Variants in CCDC186 observed in about 807,000 individuals in gnomAD.
The protein encoded by CCDC186 is coiled-coil domain-containing protein 186.
A neutral mutation model predicts 113.7 loss-of-function variants in CCDC186; 49 were observed. The observed-to-expected ratio is 0.43, with a 90% CI of 0.34 to 0.55. The LOEUF (loss-of-function observed/expected upper bound fraction) is 0.55, where lower values mean the gene tolerates loss of function less well. CCDC186 is among the 20% of genes least tolerant of loss of function. The pLI is 0.02. For missense variants in CCDC186, 890 were observed against 1,011.1 expected (o/e 0.88, Z 1.62); for synonymous variants, 355 against 345.8 (o/e 1.03, Z -0.30).
rs1589631169 is a variant in CCDC186, at chr10:114,162,492, T to C, written c.632+145A>G. The C allele has an allele frequency of 1.8e-4, 104 of 592,766 alleles. 1 individual carries two copies. The East Asian group carries it at 3.1e-3, about 18-fold the overall frequency. The allele number at this position is 592,766 out of a possible 1,614,324, so 36.7% of individuals were successfully genotyped here. A position where few individuals can be genotyped will look rare whatever the true frequency, so the allele number is the denominator to read the frequency against. The stretch of plus-strand genomic sequence containing the variant: ...GACATTTGCTCACACATTCAGCAAC[T>C]ATACATTTATTGTTCAACTACTATG... On this transcript the variant is annotated intron_variant, in intron 2 of 15. Coordinates refer to ENST00000369287, the MANE Select transcript of CCDC186 (RefSeq NM_018017.4).
At chr10:114,125,266 A>G (rs775367608) in intron 15 of CCDC186, 40 bp from the exon 16 acceptor site, 7 of 1,415,650 alleles carry the variant, frequency 4.9e-6, no homozygotes, top group African/African-American at 1.4e-5. Flanking sequence ...AGAGAAAAAC[A>G]AAAGTATAAT....
At chr10:114,127,879 A>G (rs1004597374) in intron 13 of CCDC186, among the ~76,000 whole-genome samples, 1 of 152,198 alleles carries the variant, frequency 6.6e-6, no homozygotes, top group South Asian at 2.1e-4. Flanking sequence ...TCTCTCAGGA[A>G]GTGGTAATAG....
intron 10 of CCDC186, among the ~76,000 whole-genome samples, chr10:114,134,339 A>G (rs1282867724): frequency 1.3e-5 from 2 of 152,216 alleles, no homozygotes; most frequent in Non-Finnish European, 2.9e-5. Flanking sequence ...AGGTGCATTA[A>G]TATTTCCAGT....
intron 10 of CCDC186, among the ~76,000 whole-genome samples, chr10:114,134,525 T>C (rs1051982071): frequency 6.6e-6 from 1 of 152,210 alleles, no homozygotes; most frequent in Admixed American, 6.5e-5. Context: ...TAAATGGTTT[T>C]ATAAGGAGCC....
At chr10:114,153,351 G>T (rs555650920) in intron 3 of CCDC186, among the ~76,000 whole-genome samples, 2 of 152,208 alleles carry the variant, frequency 1.3e-5, no homozygotes, top group East Asian at 1.9e-4. Flanking sequence ...TACTGCTAAA[G>T]AAACACAGAA....
intron 13 of CCDC186, among the ~76,000 whole-genome samples, chr10:114,128,095 G>C (rs1038102461): frequency 3.3e-5 from 5 of 152,166 alleles, no homozygotes; most frequent in Non-Finnish European, 7.3e-5. Context: ...CTAACTGTGT[G>C]ACTTTGGACA....
In CCDC186 at chr10:114,124,454, C is replaced by A. The variant is rs971608151; in HGVS notation, c.*689G>T. 5.9e-5 allele frequency: 9 copies of A among 152,028 alleles called. No homozygotes were observed. The highest frequency in any genetic ancestry group is 2.2e-4 in the African/African-American group (9 of 41,382). The allele number at this position is 152,028 out of a possible 1,614,324, so 9.4% of individuals were successfully genotyped here. Reference sequence around the variant, plus strand: ...TCTAAATTAATATGTAATTTAAAATCATATTTTAAGTAACTAAAAACTTTA... The same window carrying A: ...TCTAAATTAATATGTAATTTAAAATAATATTTTAAGTAACTAAAAACTTTA... On this transcript the variant is annotated 3_prime_UTR_variant, in exon 16 of 16. Transcript: ENST00000369287.
chr10:114,137,042 G>A (rs953917116), intron 7 of CCDC186, 144 bp downstream of exon 7: 24 of 556,194 alleles, frequency 4.3e-5, no homozygotes, highest in East Asian at 2.6e-4. Context: ...GCTTGTACCC[G>A]GGAGGCAGAG....
chr10:114,126,144 G>C, intron 14 of CCDC186, 39 bp from the exon 15 acceptor site: 10 of 1,527,988 alleles, frequency 6.5e-6, no homozygotes, highest in Non-Finnish European at 8.9e-6. Context: ...TGTACTTGTA[G>C]AATTAAAAAA....
At chr10:114,143,057 G>A (rs1412340362) in intron 6 of CCDC186, among the ~76,000 whole-genome samples, 1 of 152,128 alleles carries the variant, frequency 6.6e-6, no homozygotes, top group Non-Finnish European at 1.5e-5. Flanking sequence ...AAGCTTGCTG[G>A]TTAATAAATG....
rs1425212230 is a variant in CCDC186 at position 114,174,009 on chromosome 10, A to G, written c.-62+6T>C. 2.1e-6 allele frequency: 1 copy of G among 470,490 alleles called. No homozygotes were observed. The highest frequency in any genetic ancestry group is 4.4e-6 in the Non-Finnish European group (1 of 226,996). The allele number at this position is 470,490 out of a possible 1,614,324, so 29.1% of individuals were successfully genotyped here. A position where few individuals can be genotyped will look rare whatever the true frequency, so the allele number is the denominator to read the frequency against. ...GGTGTGCCCCGAGTACCCCTCAGAC[A>G]CTTACCCCACTTATCCAAGCCTCAG... is the stretch of plus-strand genomic sequence containing the variant. On this transcript the variant is annotated splice_donor_region_variant and intron_variant, in intron 1 of 15. Transcript: ENST00000369287.
chr10:114,169,234 CTTTTTTTTT>C (rs34677282), intron 1 of CCDC186, among the ~76,000 whole-genome samples: 8 of 97,502 alleles, frequency 8.2e-5, no homozygotes, highest in African/African-American at 2.4e-4. Context: ...TAGTACCATT[CTTTTTTTTT>C]TTTTTTTTTT....
At chr10:114,157,522 GTA>G in intron 3 of CCDC186, 30 bp downstream of exon 3, 1 of 1,564,766 alleles carries the variant, frequency 6.4e-7, no homozygotes, top group Non-Finnish European at 8.6e-7. Flanking sequence ...ATTAATTGAA[GTA>G]TAGTCTTCGA....
chr10:114,125,024 G>A lies in CCDC186; in HGVS notation c.*119C>T, dbSNP rs2030844075. 1 of 665,354 alleles carries A rather than the reference G, an allele frequency of 1.5e-6. No homozygotes were observed. The highest frequency in any genetic ancestry group is 1.9e-5 in the African/African-American group (1 of 53,628). 41.2% of individuals were successfully genotyped at this position (665,354 alleles called of 1,614,324 possible). On this transcript the variant is annotated 3_prime_UTR_variant, in exon 16 of 16. Transcript: ENST00000369287. ...AAAGGGTATTTTTTTGTGTACAGAT[G>A]AAGCAAAACAATATTTTTACTGGCT...
chr10:114,157,464 T>C, intron 3 of CCDC186, 90 bp downstream of exon 3: 1 of 1,279,210 alleles, frequency 7.8e-7, no homozygotes, highest in Non-Finnish European at 1.0e-6. Context: ...AGTGCTACGA[T>C]TACAGGCATG....
intron 13 of CCDC186, among the ~76,000 whole-genome samples, 153 bp downstream of exon 13, chr10:114,129,738 C>G (rs570280197): frequency 4.1e-4 from 62 of 152,146 alleles, no homozygotes; most frequent in African/African-American, 1.5e-3. Flanking sequence ...CCATGTTGGC[C>G]AGACTGGTCT....
intron 1 of CCDC186, among the ~76,000 whole-genome samples, chr10:114,165,646 C>T (rs963413089): frequency 1.8e-4 from 28 of 152,122 alleles, no homozygotes; most frequent in African/African-American, 4.3e-4. Flanking sequence ...GCCAAGATTG[C>T]GCCACTGCAC....
At chr10:114,147,557 T>C (rs999820626) in intron 4 of CCDC186, among the ~76,000 whole-genome samples, 4 of 152,092 alleles carry the variant, frequency 2.6e-5, no homozygotes, top group African/African-American at 9.7e-5. Flanking sequence ...GGGCTTAAAT[T>C]TGGTGTGTTG....
intron 1 of CCDC186, among the ~76,000 whole-genome samples, chr10:114,171,510 C>G (rs1212202595): frequency 6.6e-6 from 1 of 152,012 alleles, no homozygotes; most frequent in Non-Finnish European, 1.5e-5. Context: ...ATGATCATAC[C>G]ACTATACTCC....
Sources: allele counts gnomAD v4.1 joint callset (sites outside exome capture counted in the v4.1 genomes callset), GRCh38; gene constraint gnomAD v4.1.1; transcripts MANE v1.5; gene names NCBI Gene and HGNC (gene_info 2026-07-23, HGNC 2026-07-21).